ATXN1: variants seen among roughly 807,000 people sequenced by gnomAD.
ATXN1 encodes ataxin 1.
Under a neutral mutation model 56.4 loss-of-function variants are expected in ATXN1, and 8 were observed. That is an observed-to-expected ratio of 0.14 (90% CI 0.08 to 0.26). ATXN1 has a LOEUF of 0.26. Ranked by LOEUF, ATXN1 falls within the 10% of genes least tolerant of loss-of-function variation. ATXN1 has a pLI of 1.00. For synonymous variants in ATXN1, 514 were observed against 494.6 expected (o/e 1.04, Z -0.52); for missense variants, 987 against 1,106.5 (o/e 0.89, Z 1.53).
chr6:16,318,929 G>C (rs1339033106), intron 7 of ATXN1, among the ~76,000 whole-genome samples: 1 of 152,124 alleles, frequency 6.6e-6, no homozygotes, highest in African/African-American at 2.4e-5. Context: ...TAAAATGTGT[G>C]CCTTAGGCAG....
intron 2 of ATXN1, among the ~76,000 whole-genome samples, chr6:16,747,589 G>A (rs765638773): frequency 4.0e-5 from 6 of 151,142 alleles, no homozygotes; most frequent in Non-Finnish European, 5.9e-5. Context: ...GCTAGGGCAC[G>A]AATAGTAAAT....
intron 6 of ATXN1, among the ~76,000 whole-genome samples, chr6:16,424,066 A>G (rs1759092171): frequency 6.6e-6 from 1 of 152,202 alleles, no homozygotes; most frequent in African/African-American, 2.4e-5. Flanking sequence ...AGGTAATCCT[A>G]TAAGACTGGA....
chr6:16,736,978 T>A (rs980591033), intron 2 of ATXN1: 1 of 152,186 alleles, frequency 6.6e-6, no homozygotes, highest in Non-Finnish European at 1.5e-5. Flanking sequence ...AAAGAATGTA[T>A]GCACAAAACA....
At chr6:16,408,300 G>A (rs755526049) in intron 6 of ATXN1, among the ~76,000 whole-genome samples, 1 of 152,050 alleles carries the variant, frequency 6.6e-6, no homozygotes, top group Non-Finnish European at 1.5e-5. Context: ...AGGGGGTCTG[G>A]GGCCTTGTGA....
At chr6:16,462,661 T>C (rs1760022876) in intron 6 of ATXN1, among the ~76,000 whole-genome samples, 1 of 152,194 alleles carries the variant, frequency 6.6e-6, no homozygotes, top group African/African-American at 2.4e-5. Context: ...CAACCTCACC[T>C]ATTACATGAG....
chr6:16,433,028 C>T lies in ATXN1; in HGVS notation c.-161+52944G>A, dbSNP rs182269909. The T allele has an allele frequency of 3.5e-4, 53 of 152,088 alleles. No homozygotes were observed. The East Asian group carries it at 9.3e-3, about 27-fold the overall frequency. 9.4% of individuals were successfully genotyped at this position (152,088 alleles called of 1,614,324 possible). A position where few individuals can be genotyped will look rare whatever the true frequency, so the allele number is the denominator to read the frequency against. ...GTCTTTTGCTGTGCAGCATGTAGCT[C>T]GATCTACCGCAACAATACAATGAAT... On this transcript the variant is annotated intron_variant, in intron 6 of 7. Transcript: ENST00000436367.
At chr6:16,335,294 G>C (rs527320194) in intron 6 of ATXN1, among the ~76,000 whole-genome samples, 1 of 152,252 alleles carries the variant, frequency 6.6e-6, no homozygotes, top group Non-Finnish European at 1.5e-5. Flanking sequence ...TCCTGAAGGG[G>C]ACTGAAGGCC....
rs71656942 is a variant in ATXN1 at position 16,587,016 on chromosome 6, CA to C, written c.-488-1110del. ...CTGGTGACAAAGCAAGACTCTGTCT[CA>C]AAAAAAAAAAAAGTATCAAATCACT... On this transcript the variant is annotated intron_variant, in intron 3 of 7. Transcript: ENST00000436367. Among the ~76,000 whole-genome samples, 454 of 141,780 alleles carry C rather than the reference CA, an allele frequency of 3.2e-3. 1 individual carries two copies. The highest frequency in any genetic ancestry group is 0.011 in the Middle Eastern group (3 of 280). The allele number at this position is 141,780 out of a possible 152,430, so 93.0% of individuals were successfully genotyped here.
chr6:16,520,490 T>C (rs1761267706), intron 5 of ATXN1, among the ~76,000 whole-genome samples: 1 of 152,206 alleles, frequency 6.6e-6, no homozygotes, highest in African/African-American at 2.4e-5. Flanking sequence ...CTTTCATTCC[T>C]TCACCATTTC....
intron 2 of ATXN1, among the ~76,000 whole-genome samples, chr6:16,721,102 CAAACCAG>C (rs1203510632): frequency 6.6e-6 from 1 of 152,198 alleles, no homozygotes; most frequent in Non-Finnish European, 1.5e-5. Flanking sequence ...AATACAAATG[CAAACCAG>C]AAGATGGTTC....
intron 3 of ATXN1, among the ~76,000 whole-genome samples, chr6:16,619,016 C>T (rs1763270911): frequency 6.6e-6 from 1 of 151,734 alleles, no homozygotes. Flanking sequence ...ATGTAAAAAA[C>T]AGAGAAACAT....
intron 6 of ATXN1, among the ~76,000 whole-genome samples, chr6:16,346,461 T>G (rs1287295144): frequency 6.6e-6 from 1 of 152,180 alleles, no homozygotes; most frequent in African/African-American, 2.4e-5. Flanking sequence ...GAGGTTATAG[T>G]GAGCAGCTGC....
intron 6 of ATXN1, among the ~76,000 whole-genome samples, chr6:16,482,150 C>T (rs964892409): frequency 6.6e-6 from 1 of 152,136 alleles, no homozygotes; most frequent in Non-Finnish European, 1.5e-5. Context: ...GCATTCTCAT[C>T]AGAACAGCAT....
chr6:16,486,360 C>T (rs1760544646), intron 5 of ATXN1, among the ~76,000 whole-genome samples: 1 of 152,180 alleles, frequency 6.6e-6, no homozygotes, highest in South Asian at 2.1e-4. Context: ...AGCTGAGATG[C>T]AAACTTGCAA....
intron 4 of ATXN1, among the ~76,000 whole-genome samples, chr6:16,523,051 C>A (rs551899215): frequency 2.6e-5 from 4 of 151,930 alleles, no homozygotes; most frequent in Admixed American, 1.3e-4. Context: ...TTGAAGAAGT[C>A]TTTTTTTGTA....
intron 4 of ATXN1, among the ~76,000 whole-genome samples, chr6:16,546,604 T>C (rs1022217414): frequency 1.1e-4 from 17 of 152,342 alleles, no homozygotes; most frequent in Middle Eastern, 3.4e-3. Context: ...GAGCCTTAAT[T>C]GTCCCAACTA....
intron 4 of ATXN1, among the ~76,000 whole-genome samples, chr6:16,579,485 CCCCCCCCA>C (rs1284567671): frequency 2.6e-5 from 1 of 37,876 alleles, no homozygotes; most frequent in Admixed American, 2.0e-4. Context: ...TCAAAGCCCC[CCCCCCCCA>C]CCCGCCGATT....
intron 6 of ATXN1, among the ~76,000 whole-genome samples, chr6:16,472,653 C>G (rs2113640735): frequency 6.6e-6 from 1 of 152,188 alleles, no homozygotes; most frequent in East Asian, 1.9e-4. Flanking sequence ...AACTAAGACT[C>G]TGATAAAAAT....
chr6:16,595,100 T>G (rs1199108968), intron 3 of ATXN1, among the ~76,000 whole-genome samples: 1 of 152,334 alleles, frequency 6.6e-6, no homozygotes, highest in Non-Finnish European at 1.5e-5. Flanking sequence ...CAGGAAATCA[T>G]GTACAAATAT....
Sources: allele counts gnomAD v4.1 joint callset (sites outside exome capture counted in the v4.1 genomes callset), GRCh38; gene constraint gnomAD v4.1.1; transcripts MANE v1.5; gene names NCBI Gene and HGNC (gene_info 2026-07-23, HGNC 2026-07-21).